TTYH2: variants seen among roughly 807,000 people sequenced by gnomAD.
The protein encoded by TTYH2 is tweety family member 2, also known as protein tweety homolog 2.
A neutral mutation model predicts 68.3 loss-of-function variants in TTYH2; 49 were observed. That is an observed-to-expected ratio of 0.72 (90% CI 0.57 to 0.91). TTYH2 has a LOEUF of 0.91. TTYH2 is among the 40% of genes least tolerant of loss of function. TTYH2 has a pLI of 0.00. For synonymous variants in TTYH2, 272 were observed against 300.8 expected (o/e 0.90, Z 0.99); for missense variants, 631 against 700.4 (o/e 0.90, Z 1.12).
chr17:74,219,813 TTGG>T (rs2050258264), intron 1 of TTYH2, among the ~76,000 whole-genome samples: 1 of 152,162 alleles, frequency 6.6e-6, no homozygotes. Context: ...TTTTCTCTTG[TTGG>T]TGGACGTTTG....
rs1453861688 is a variant in TTYH2 at position 74,260,254 on chromosome 17, A to G, written c.*45A>G. 6.4e-7 allele frequency: 1 copy of G among 1,574,586 alleles called. No homozygotes were observed. The highest frequency in any genetic ancestry group is 8.7e-7 in the Non-Finnish European group (1 of 1,145,644). ...GCCTCCTTTTTCCGTTCTGGTTTTT[A>G]ATTAGTGCAAATACAAGCTGCGTTT... On this transcript the variant is annotated 3_prime_UTR_variant, in exon 14 of 14. Transcript: ENST00000269346.
At chr17:74,230,729 C>T (rs756096059) in intron 2 of TTYH2, among the ~76,000 whole-genome samples, 159 bp from the exon 3 acceptor site, 1 of 151,870 alleles carries the variant, frequency 6.6e-6, no homozygotes, top group East Asian at 1.9e-4. Flanking sequence ...CAACCTCCAC[C>T]TCCTGGGTTC....
intron 5 of TTYH2, 99 bp downstream of exon 5, chr17:74,243,568 T>C (rs896739079): frequency 2.2e-6 from 3 of 1,345,816 alleles, no homozygotes; most frequent in Non-Finnish European, 3.2e-6. Context: ...GTGGGGAAAA[T>C]AGCCAGGCTG....
At chr17:74,227,125 C>T (rs1307127700) in intron 2 of TTYH2, among the ~76,000 whole-genome samples, 8 of 152,192 alleles carry the variant, frequency 5.3e-5, no homozygotes, top group Admixed American at 1.3e-4. Context: ...CAGGCACTCG[C>T]CACCATGCCC....
In TTYH2 at chr17:74,261,360, T is replaced by C. The variant is rs1478350460; in HGVS notation, c.*1151T>C. 1 of 152,226 alleles carries C rather than the reference T, an allele frequency of 6.6e-6. No homozygotes were observed. The highest frequency in any genetic ancestry group is 1.5e-5 in the Non-Finnish European group (1 of 68,064). The allele number at this position is 152,226 out of a possible 1,614,324, so 9.4% of individuals were successfully genotyped here. On this transcript the variant is annotated 3_prime_UTR_variant, in exon 14 of 14. Coordinates refer to ENST00000269346, the MANE Select transcript of TTYH2 (RefSeq NM_032646.6). Reference sequence around the variant, plus strand: ...ACTAGCCAAATGCCTACATCAGCTGTCCCCTCCCTGTTGTCTCCAAGTAAG... The same window carrying C: ...ACTAGCCAAATGCCTACATCAGCTGCCCCCTCCCTGTTGTCTCCAAGTAAG...
chr17:74,226,974 T>TTTTCC (rs2050336977), intron 2 of TTYH2, among the ~76,000 whole-genome samples: 1 of 151,956 alleles, frequency 6.6e-6, no homozygotes, highest in Non-Finnish European at 1.5e-5. Context: ...TTCCTTTCCT[T>TTTTCC]TTTCCTTTCC....
chr17:74,220,714 AG>A (rs2050267551), intron 1 of TTYH2, among the ~76,000 whole-genome samples: 1 of 151,264 alleles, frequency 6.6e-6, no homozygotes. Context: ...CCCCAGCCCC[AG>A]CCCCCTGCCA....
At chr17:74,224,941 G>A (rs1411336485) in intron 2 of TTYH2, among the ~76,000 whole-genome samples, 4 of 151,828 alleles carry the variant, frequency 2.6e-5, no homozygotes, top group African/African-American at 9.7e-5. Context: ...AGGGGTTGCA[G>A]TGAGCCGAGA....
In TTYH2 at chr17:74,215,717, G is replaced by T; in HGVS notation, c.129+2001G>T. ...TTAAGGTGGCTCCTGTTTTTGGTAA[G>T]TTCCCCTGTTGTGACCACAGGTCTC... On this transcript the variant is annotated intron_variant, in intron 1 of 13. Coordinates refer to ENST00000269346, the MANE Select transcript of TTYH2 (RefSeq NM_032646.6). The surrounding 1 kb of genome is among the most constrained non-coding windows in gnomAD (Gnocchi z 4.3). The T allele has an allele frequency of 6.5e-7, 1 of 1,535,666 alleles. No homozygotes were observed. Among genetic ancestry groups the T allele is most frequent in the Non-Finnish European group, 8.7e-7 (1 of 1,146,862 alleles).
intron 5 of TTYH2, among the ~76,000 whole-genome samples, chr17:74,243,759 A>G (rs1364954157): frequency 2.0e-5 from 3 of 152,188 alleles, no homozygotes; most frequent in African/African-American, 7.2e-5. Context: ...GTCTTAGCCA[A>G]CACTGCCCCC....
rs1041864812 is a variant in TTYH2 at position 74,222,774 on chromosome 17, G to C, written c.302+117G>C. 1.6e-5 allele frequency: 19 copies of C among 1,219,150 alleles called. No individual in the cohort carries two copies. Among genetic ancestry groups the C allele is most frequent in the Non-Finnish European group, 2.1e-5 (19 of 911,166 alleles). The allele number at this position is 1,219,150 out of a possible 1,614,324, so 75.5% of individuals were successfully genotyped here. On this transcript the variant is annotated intron_variant, in intron 2 of 13. Coordinates refer to ENST00000269346, the MANE Select transcript of TTYH2 (RefSeq NM_032646.6). This position sits in a 1 kb window ranked among gnomAD's most constrained non-coding sequence, Gnocchi z 5.2. ...ACCTTGATGGAAAAGCTTGTCCCCA[G>C]ATGAATGTTGTCCCTTTTTTTTTTT...
chr17:74,239,341 G>C lies in TTYH2; in HGVS notation c.635+1827G>C, dbSNP rs959308237. Among the ~76,000 whole-genome samples the C allele has an allele frequency of 1.3e-5, 2 of 152,224 alleles. No homozygotes were observed. The highest frequency in any genetic ancestry group is 4.8e-5 in the African/African-American group (2 of 41,466). ...CCCGGGCCTAGCATGGAGGAGGCAC[G>C]TGGGGAGGGGAAGCATGAGTCAGGA... On this transcript the variant is annotated intron_variant, in intron 4 of 13. Transcript: ENST00000269346. The surrounding 1 kb of genome is among the most constrained non-coding windows in gnomAD (Gnocchi z 5.3).
intron 11 of TTYH2, 85 bp downstream of exon 11, chr17:74,252,461 G>A (rs1200749768): frequency 6.0e-6 from 9 of 1,493,536 alleles, no homozygotes; most frequent in Non-Finnish European, 8.1e-6. Flanking sequence ...CTACGATTTA[G>A]CTGATAACCC....
chr17:74,232,755 C>CCAGGGCCATGACCTTCACGGGTTTAG lies in TTYH2; in HGVS notation c.414+1757_414+1782dup, dbSNP rs1389471533. On this transcript the variant is annotated intron_variant, in intron 3 of 13. Coordinates refer to ENST00000269346, the MANE Select transcript of TTYH2 (RefSeq NM_032646.6). The surrounding 1 kb of genome is among the most constrained non-coding windows in gnomAD (Gnocchi z 5.1). Reference sequence around the variant, plus strand: ...ATCCCCTGCCCTGCCCAGGAAGGCACCAGGGCCATGACCTTCACGGGTTTA... The same window carrying CCAGGGCCATGACCTTCACGGGTTTAG: ...ATCCCCTGCCCTGCCCAGGAAGGCACCAGGGCCATGACCTTCACGGGTTTAGCAGGGCCATGACCTTCACGGGTTTA... Among the ~76,000 whole-genome samples, 1 of 152,194 alleles carries CCAGGGCCATGACCTTCACGGGTTTAG rather than the reference C, an allele frequency of 6.6e-6. No individual in the cohort carries two copies. The highest frequency in any genetic ancestry group is 1.9e-4 in the East Asian group (1 of 5,184).
rs1246476872 is a variant in TTYH2 at position 74,253,070 on chromosome 17, C to T, written c.1260-11C>T. ...CCTTCACAGCCGGCCATCTTCTACCCATTGTTCTAGAAACAGAGACTACGA... is the reference window on the plus strand; with the variant it reads ...CCTTCACAGCCGGCCATCTTCTACCTATTGTTCTAGAAACAGAGACTACGA... On this transcript the variant is annotated splice_polypyrimidine_tract_variant and intron_variant, in intron 11 of 13. Coordinates refer to ENST00000269346, the MANE Select transcript of TTYH2 (RefSeq NM_032646.6). 6.2e-6 allele frequency: 10 copies of T among 1,613,208 alleles called. No individual in the cohort carries two copies. The highest frequency in any genetic ancestry group is 8.5e-6 in the Non-Finnish European group (10 of 1,179,690).
chr17:74,234,717 G>C (rs2050425182), intron 3 of TTYH2, among the ~76,000 whole-genome samples: 1 of 152,112 alleles, frequency 6.6e-6, no homozygotes, highest in African/African-American at 2.4e-5. Context: ...AACTGTGAGG[G>C]AGAAAACAAG....
At chr17:74,219,011 C>T (rs1353132694) in intron 1 of TTYH2, among the ~76,000 whole-genome samples, 1 of 152,134 alleles carries the variant, frequency 6.6e-6, no homozygotes, top group Admixed American at 6.5e-5. Flanking sequence ...AGGTGGATCA[C>T]TTGAGGTCAG....
At position 74,248,849 on chromosome 17, in the gene TTYH2, G is replaced by A. The variant is rs1027820385; in HGVS notation, c.805-162G>A. On this transcript the variant is annotated intron_variant, in intron 6 of 13. Coordinates refer to ENST00000269346, the MANE Select transcript of TTYH2 (RefSeq NM_032646.6). ...TTGTCCAAGGCAACAGAGCTAGGAAGGGGCAGAGCCAGGTTTGAACCCAGG... is the reference window on the plus strand; with the variant it reads ...TTGTCCAAGGCAACAGAGCTAGGAAAGGGCAGAGCCAGGTTTGAACCCAGG... 12 of 1,456,638 alleles carry A rather than the reference G, an allele frequency of 8.2e-6. No homozygotes were observed. The African/African-American group carries it at 1.4e-4, about 17-fold the overall frequency. The allele number at this position is 1,456,638 out of a possible 1,614,324, so 90.2% of individuals were successfully genotyped here.
Position 74,222,917 on chromosome 17 carries a change from G to A in TTYH2, c.302+260G>A, listed in dbSNP as rs954100253. ...GGTTTGTCCTGTGCCCAGCAGCTGTGCAGGCAGCATTTCTGCACCGACACT... is the reference window on the plus strand; with the variant it reads ...GGTTTGTCCTGTGCCCAGCAGCTGTACAGGCAGCATTTCTGCACCGACACT... On this transcript the variant is annotated intron_variant, in intron 2 of 13. Transcript: ENST00000269346. The surrounding 1 kb of genome is among the most constrained non-coding windows in gnomAD (Gnocchi z 5.2). Among the ~76,000 whole-genome samples the A allele has an allele frequency of 1.3e-5, 2 of 152,078 alleles. No individual in the cohort carries two copies. Among genetic ancestry groups the A allele is most frequent in the Non-Finnish European group, 2.9e-5 (2 of 68,018 alleles).
Sources: allele counts gnomAD v4.1 joint callset (sites outside exome capture counted in the v4.1 genomes callset), GRCh38; gene constraint gnomAD v4.1.1; non-coding constraint Gnocchi (gnomAD v3.1); transcripts MANE v1.5; gene names NCBI Gene and HGNC (gene_info 2026-07-23, HGNC 2026-07-21).